ROCK2: variants seen among roughly 807,000 people sequenced by gnomAD.
ROCK2 encodes Rho associated coiled-coil containing protein kinase 2, also known as rho-associated protein kinase 2.
In ROCK2, 61 loss-of-function variants were observed where a neutral mutation model predicts 195.1. The observed-to-expected ratio is 0.31, with a 90% CI of 0.25 to 0.39. The LOEUF (loss-of-function observed/expected upper bound fraction) is 0.39. Ranked by LOEUF, ROCK2 falls within the 10% of genes least tolerant of loss-of-function variation. The pLI, the probability that ROCK2 is intolerant of heterozygous loss-of-function variation, is 1.00. For missense variants in ROCK2, 1,109 were observed against 1,637.4 expected (o/e 0.68, Z 5.57); for synonymous variants, 504 against 545.5 (o/e 0.92, Z 1.06).
chr2:11,229,165 A>C lies in ROCK2; in HGVS notation c.724-1767T>G, dbSNP rs551668912. On this transcript the variant is annotated intron_variant, in intron 5 of 32. Coordinates refer to ENST00000315872, the MANE Select transcript of ROCK2 (RefSeq NM_004850.5). ...CTATATAGTAATAGTAATTACTAAT[A>C]GTAAACTATATTCACATACTAAACT... Among the ~76,000 whole-genome samples, 21 of 152,302 alleles carry C rather than the reference A, an allele frequency of 1.4e-4. No individual in the cohort carries two copies. The East Asian group carries it at 3.9e-3, about 28-fold the overall frequency.
At chr2:11,242,203 G>A (rs988909627) in intron 4 of ROCK2, among the ~76,000 whole-genome samples, 1 of 152,006 alleles carries the variant, frequency 6.6e-6, no homozygotes, top group African/African-American at 2.4e-5. Context: ...CAGATTAATA[G>A]GGAAAAAATA....
In ROCK2 at chr2:11,286,656, AC is replaced by A; in HGVS notation, c.224-18del. ...TTTTCTCATCTACCATAAAAAGATC[AC>A]CATACTTATAATATCAATCATATTT... On this transcript the variant is annotated intron_variant, in intron 2 of 32. Coordinates refer to ENST00000315872, the MANE Select transcript of ROCK2 (RefSeq NM_004850.5). The A allele has an allele frequency of 7.9e-7, 1 of 1,260,974 alleles. No homozygotes were observed. Among genetic ancestry groups the A allele is most frequent in the Non-Finnish European group, 1.2e-6 (1 of 868,422 alleles). The allele number at this position is 1,260,974 out of a possible 1,614,324, so 78.1% of individuals were successfully genotyped here. A position where few individuals can be genotyped will look rare whatever the true frequency, so the allele number is the denominator to read the frequency against.
intron 3 of ROCK2, among the ~76,000 whole-genome samples, chr2:11,256,753 A>G (rs1040877936): frequency 6.6e-6 from 1 of 151,398 alleles, no homozygotes; most frequent in Non-Finnish European, 1.5e-5. Context: ...ATTTAGATAA[A>G]AGGGGTAATC....
Position 11,308,734 on chromosome 2 carries a change from T to C in ROCK2, c.142-20998A>G. ...TTGAAAAATTAACCAAAGGTGCAGC[T>C]ATCTTCTTTGAATTCAAACACTACA... On this transcript the variant is annotated intron_variant, in intron 1 of 32. Transcript: ENST00000315872. The C allele has an allele frequency of 2.5e-6, 4 of 1,612,092 alleles. 1 individual carries two copies. The South Asian group carries it at 4.4e-5, about 18-fold the overall frequency.
chr2:11,314,183 T>C (rs887637961), intron 1 of ROCK2, among the ~76,000 whole-genome samples: 1 of 151,962 alleles, frequency 6.6e-6, no homozygotes, highest in African/African-American at 2.4e-5. Context: ...GAAAAACTAT[T>C]TGCAGTCAAC....
At chr2:11,220,874 A>T (rs1276297670) in intron 9 of ROCK2, among the ~76,000 whole-genome samples, 3 of 152,168 alleles carry the variant, frequency 2.0e-5, no homozygotes, top group Non-Finnish European at 4.4e-5. Flanking sequence ...CATCTTTCTT[A>T]AGGCAACTGT....
At chr2:11,183,595 G>A (rs900149403) in intron 32 of ROCK2, among the ~76,000 whole-genome samples, 155 bp from the exon 33 acceptor site, 1 of 152,072 alleles carries the variant, frequency 6.6e-6, no homozygotes, top group Non-Finnish European at 1.5e-5. Context: ...CATACTTACT[G>A]TATTACTTTT....
chr2:11,208,753 C>T (rs1448289940), intron 18 of ROCK2, among the ~76,000 whole-genome samples: 1 of 151,950 alleles, frequency 6.6e-6, no homozygotes, highest in African/African-American at 2.4e-5. Flanking sequence ...CCACCACACC[C>T]AGCTAAGTTT....
Position 11,344,153 on chromosome 2 carries a change from C to CCGCACTCAGGCTCCT in ROCK2, c.-32_-18dup. 1.4e-6 allele frequency: 2 copies of CCGCACTCAGGCTCCT among 1,416,578 alleles called. No individual in the cohort carries two copies. Among genetic ancestry groups the CCGCACTCAGGCTCCT allele is most frequent in the Non-Finnish European group, 1.8e-6 (2 of 1,090,860 alleles). 87.8% of individuals were successfully genotyped at this position (1,416,578 alleles called of 1,614,324 possible). A position where few individuals can be genotyped will look rare whatever the true frequency, so the allele number is the denominator to read the frequency against. On this transcript the variant is annotated 5_prime_UTR_variant, in exon 1 of 33. Transcript: ENST00000315872. The surrounding 1 kb of genome is among the most constrained non-coding windows in gnomAD (Gnocchi z 5.4). ...CCGGCTCATGCCGCCACCGCTGGACCCGCACTCAGGCTCCTCGCGCTCAGG... is the reference window on the plus strand; with the variant it reads ...CCGGCTCATGCCGCCACCGCTGGACCCGCACTCAGGCTCCTCGCACTCAGGCTCCTCGCGCTCAGG...
In ROCK2 at chr2:11,207,788, T is replaced by C. The variant is rs1187409219; in HGVS notation, c.2487A>G (p.Gln829=). 1 of 1,611,710 alleles carries C rather than the reference T, an allele frequency of 6.2e-7. No homozygotes were observed. The highest frequency in any genetic ancestry group is 1.1e-5 in the South Asian group (1 of 90,782). The change falls in exon 20 of 33, where the codon CAA becomes CAG. Residue 829 remains glutamine (Q), a synonymous_variant. Coordinates refer to ENST00000315872, the MANE Select transcript of ROCK2 (RefSeq NM_004850.5). The part of the protein sequence containing the change: ...TLKMSEKQLK[Q]ENNHLMEMKM... The stretch of plus-strand genomic sequence containing the variant: ...TCATTTCCATGAGATGGTTATTTTC[T>C]TGCTTTAACTGCTTTTCTGACATTT...
chr2:11,245,680 C>T (rs1665588029), intron 4 of ROCK2, among the ~76,000 whole-genome samples: 1 of 152,134 alleles, frequency 6.6e-6, no homozygotes, highest in Non-Finnish European at 1.5e-5. Context: ...TAAGATAGGT[C>T]TGGAGCACCC....
At chr2:11,222,718 G>C (rs1015456598) in intron 7 of ROCK2, among the ~76,000 whole-genome samples, 1 of 151,922 alleles carries the variant, frequency 6.6e-6, no homozygotes, top group Admixed American at 6.6e-5. Context: ...TTCATTCTTT[G>C]ACCCTCTGAG....
intron 23 of ROCK2, among the ~76,000 whole-genome samples, chr2:11,199,114 T>G (rs1412620454): frequency 6.6e-6 from 1 of 152,006 alleles, no homozygotes; most frequent in East Asian, 1.9e-4. Flanking sequence ...TTGGTCAGGC[T>G]GGTCTCAAAC....
intron 1 of ROCK2, among the ~76,000 whole-genome samples, chr2:11,298,293 A>C (rs1292048123): frequency 1.3e-5 from 2 of 151,972 alleles, no homozygotes; most frequent in Non-Finnish European, 2.9e-5. Flanking sequence ...AACATTGTGA[A>C]ACCCTGTCTC....
rs780887014 is a variant in ROCK2 at position 11,344,127 on chromosome 2, G to C, written c.10C>G (p.Pro4Ala). The change falls in exon 1 of 33, where the codon CCC (proline) becomes GCC (alanine). Residue 4 changes from proline to alanine, a missense_variant. Physicochemically the swap from Pro to Ala is conservative, Grantham distance 27. This residue lies in a region of ROCK2 where 64 missense variants were observed against 62.4 expected (regional missense o/e 1.03). Transcript: ENST00000315872. The surrounding 1 kb of genome is among the most constrained non-coding windows in gnomAD (Gnocchi z 5.4). ...CCGGGCATTTTCCCCGTCGGCGGGG[G>C]CCGGCTCATGCCGCCACCGCTGGAC... Reference protein sequence around the residue: MSRPPPTGKMPGAP... With the variant: MSRAPPTGKMPGAP... 2.7e-6 allele frequency: 4 copies of C among 1,456,236 alleles called. No homozygotes were observed. The East Asian group carries it at 1.1e-4, about 41-fold the overall frequency. 90.2% of individuals were successfully genotyped at this position (1,456,236 alleles called of 1,614,324 possible). A position where few individuals can be genotyped will look rare whatever the true frequency, so the allele number is the denominator to read the frequency against.
At chr2:11,321,331 G>T (rs1379561792) in intron 1 of ROCK2, among the ~76,000 whole-genome samples, 1 of 151,710 alleles carries the variant, frequency 6.6e-6, no homozygotes, top group South Asian at 2.1e-4. Flanking sequence ...GCACGCCACC[G>T]CACCGGGCTA....
chr2:11,194,365 G>T (rs1174654182), intron 28 of ROCK2, 21 bp from the exon 29 acceptor site: 3 of 1,076,814 alleles, frequency 2.8e-6, no homozygotes, highest in Non-Finnish European at 3.9e-6. Context: ...AGGGAGAAAA[G>T]AAATCAGTAA....
intron 3 of ROCK2, among the ~76,000 whole-genome samples, chr2:11,271,603 G>A (rs1030408388): frequency 6.6e-6 from 1 of 152,178 alleles, no homozygotes; most frequent in Non-Finnish European, 1.5e-5. Flanking sequence ...AGGATGGATG[G>A]TGATTTCCAA....
intron 27 of ROCK2, 116 bp from the exon 28 acceptor site, chr2:11,195,141 T>G (rs1663581083): frequency 3.6e-6 from 2 of 551,988 alleles, no homozygotes; most frequent in Admixed American, 3.6e-5. Context: ...CCTTTAGAAT[T>G]TATCACTATA....
Sources: gnomAD v4.1 joint callset for allele counts (sites outside exome capture counted in the v4.1 genomes callset) on GRCh38, gnomAD v4.1.1 for gene constraint, gnomAD v4.1.1 regional missense constraint, Gnocchi (gnomAD v3.1) non-coding constraint, MANE v1.5 for transcripts, NCBI Gene and HGNC (gene_info 2026-07-23, HGNC 2026-07-21) for gene names.